The following RALGDS variants were observed in gnomAD, a reference collection of about 807,000 sequenced individuals.
RALGDS encodes the protein ral guanine nucleotide dissociation stimulator.
A neutral mutation model predicts 99.8 loss-of-function variants in RALGDS; 44 were observed. That is an observed-to-expected ratio of 0.44 (90% CI 0.35 to 0.57). The LOEUF is 0.57. Ranked by LOEUF, RALGDS falls within the 20% of genes least tolerant of loss-of-function variation. The probability of loss-of-function intolerance (pLI) is 0.01; values close to 1 mark genes in which losing one functional copy is unlikely to be tolerated. For synonymous variants in RALGDS, 529 were observed against 505.0 expected, an observed-to-expected ratio of 1.05 and a Z score of -0.64; for missense variants, 1,022 against 1,203.1, an observed-to-expected ratio of 0.85 and a Z score of 2.23.
upstream of RALGDS, among the ~76,000 whole-genome samples, chr9:133,135,278 A>C (rs904631876): frequency 4.6e-5 from 7 of 152,210 alleles, no homozygotes; most frequent in African/African-American, 1.7e-4. Context: ...AGAAAGGCAA[A>C]GAGGGGCTGT....
Position 133,112,095 on chromosome 9 carries a change from G to A in RALGDS, c.241C>T (p.Leu81=). The A allele has an allele frequency of 1.3e-6, 2 of 1,586,576 alleles. No individual in the cohort carries two copies. Among genetic ancestry groups the A allele is most frequent in the South Asian group, 1.1e-5 (1 of 87,252 alleles). The part of the protein sequence containing the change: ...LINGVIYSIS[L]RKVQLHHGGN... ...CCGTGGTGCAGCTGCACCTTGCGCA[G>A]GGAGATGGAGTAGATGACTCCGTTG... The change falls in exon 2 of 18, where the codon CTG becomes TTG. Residue 81 remains leucine, a synonymous_variant. Transcript: ENST00000372050.
rs1588515552 is a variant in RALGDS at position 133,104,554 on chromosome 9, G to C, written c.1603-223C>G. On this transcript the variant is annotated intron_variant, in intron 9 of 17. Coordinates refer to ENST00000372050, the MANE Select transcript of RALGDS (RefSeq NM_006266.4). ...CTGCATGGTGCGGTGGCTCACGCCT[G>C]TAATCCCAGCATTTTGGAAGGCCAA... 5.3e-6 allele frequency: 3 copies of C among 563,816 alleles called. 1 individual carries two copies. The Admixed American group carries it at 9.0e-5, about 17-fold the overall frequency. The allele number at this position is 563,816 out of a possible 1,614,324, so 34.9% of individuals were successfully genotyped here.
At chr9:133,143,863 G>A (rs1234658198) in intron 1 of RALGDS, among the ~76,000 whole-genome samples, 1 of 149,010 alleles carries the variant, frequency 6.7e-6, no homozygotes, top group East Asian at 1.9e-4. Context: ...CTGGGCCAGC[G>A]GCCCGCTGTG....
intron 17 of RALGDS, chr9:133,099,107 G>T: frequency 3.0e-6 from 1 of 328,434 alleles, no homozygotes; most frequent in Non-Finnish European, 5.9e-6. Flanking sequence ...CCAGAATCCT[G>T]CCCTACTCAG....
chr9:133,108,842 G>C lies in RALGDS; in HGVS notation c.609C>G (p.Thr203=). 1 of 1,613,008 alleles carries C rather than the reference G, an allele frequency of 6.2e-7. No homozygotes were observed. Among genetic ancestry groups the C allele is most frequent in the Non-Finnish European group, 8.5e-7 (1 of 1,179,878 alleles). Residue 203 remains threonine, a synonymous_variant, in exon 5 of 18, where the codon ACC becomes ACG. Coordinates refer to ENST00000372050, the MANE Select transcript of RALGDS (RefSeq NM_006266.4). The stretch of plus-strand genomic sequence containing the variant: ...AATCCTCCGAGTACTGGTCCAGCCA[G>C]GTGCCCAGGATGGAGGAGATGGCAC... ...LKNAISSILG[T]WLDQYSEDFC... is the part of the protein sequence containing the mutation.
chr9:133,121,263 CTGA>C (rs1831931190), upstream of RALGDS: 2 of 982,512 alleles, frequency 2.0e-6, no homozygotes, highest in African/African-American at 1.8e-5. Context: ...CCCGGCCCTG[CTGA>C]TGTCAGGCTG....
intron 6 of RALGDS, among the ~76,000 whole-genome samples, 164 bp from the exon 7 acceptor site, chr9:133,107,464 A>G (rs1831125326): frequency 6.6e-6 from 1 of 152,224 alleles, no homozygotes; most frequent in Admixed American, 6.5e-5. Flanking sequence ...GCTGGTGGGA[A>G]GAAGAGGAGC....
intron 1 of RALGDS, among the ~76,000 whole-genome samples, chr9:133,145,687 G>A (rs998524682): frequency 1.3e-5 from 2 of 152,116 alleles, no homozygotes; most frequent in African/African-American, 4.8e-5. Context: ...AGCCATCTGG[G>A]TCACCAAGCT....
At chr9:133,111,984 A>G (rs1002303904) in intron 2 of RALGDS, 58 bp downstream of exon 2, 18 of 1,360,204 alleles carry the variant, frequency 1.3e-5, no homozygotes, top group Admixed American at 2.0e-5. Flanking sequence ...CTCAAGTGAA[A>G]AAGTCCTGGG....
At chr9:133,100,688 C>T in intron 16 of RALGDS, 3 of 1,265,132 alleles carry the variant, frequency 2.4e-6, no homozygotes, top group Non-Finnish European at 3.0e-6. Flanking sequence ...AGCACTTGCC[C>T]CTCCAGGATA....
chr9:133,134,833 T>C (rs1057095207), upstream of RALGDS, among the ~76,000 whole-genome samples: 3 of 152,140 alleles, frequency 2.0e-5, no homozygotes, highest in African/African-American at 7.2e-5. Flanking sequence ...CATCATGATA[T>C]GTGACGCAGG....
chr9:133,108,924 G>A, intron 4 of RALGDS, 58 bp from the exon 5 acceptor site: 1 of 1,513,814 alleles, frequency 6.6e-7, no homozygotes, highest in Non-Finnish European at 9.0e-7. Flanking sequence ...AGCCAGGCTG[G>A]GCTCCTGAGC....
intron 3 of RALGDS, 68 bp downstream of exon 3, chr9:133,110,228 C>T: frequency 6.7e-7 from 1 of 1,496,524 alleles, no homozygotes; most frequent in Non-Finnish European, 9.3e-7. Context: ...ATTGCCAAGA[C>T]CCGCAGCCAG....
rs796428016 is a variant in RALGDS at position 133,115,694 on chromosome 9, G to A, written c.184-3542C>T. 1.8e-4 allele frequency among the ~76,000 whole-genome samples: 27 copies of A among 152,320 alleles called. 1 individual carries two copies. The highest frequency in any genetic ancestry group is 4.1e-4 in the South Asian group (2 of 4,830). The stretch of plus-strand genomic sequence containing the variant: ...GTGACCGGCACTGGGACCTGATGGC[G>A]TGGTACCGGACAACACCTGACATCA... On this transcript the variant is annotated intron_variant, in intron 1 of 17. Transcript: ENST00000372050.
upstream of RALGDS, among the ~76,000 whole-genome samples, chr9:133,132,395 G>A (rs989042517): frequency 3.3e-5 from 5 of 152,134 alleles, no homozygotes; most frequent in East Asian, 9.7e-4. Flanking sequence ...CTGGCCATGT[G>A]ACTGTGGGCA....
At chr9:133,112,383 A>C (rs1190423803) in intron 1 of RALGDS, among the ~76,000 whole-genome samples, 1 of 152,060 alleles carries the variant, frequency 6.6e-6, no homozygotes, top group Non-Finnish European at 1.5e-5. Context: ...TGAGTCCACC[A>C]GGCTTCCAAT....
At chr9:133,103,115 T>G (rs1455085335) in intron 12 of RALGDS, 115 bp downstream of exon 12, 29 of 1,450,234 alleles carry the variant, frequency 2.0e-5, no homozygotes, top group Non-Finnish European at 2.8e-5. Flanking sequence ...CTTCTCTCTG[T>G]GTCCAAATGT....
intron 13 of RALGDS, 45 bp downstream of exon 13, chr9:133,102,734 A>G: frequency 6.2e-7 from 1 of 1,604,076 alleles, no homozygotes; most frequent in Non-Finnish European, 8.5e-7. Context: ...CTGGCCCCCT[A>G]GGACAGCCTG....
At position 133,110,475 on chromosome 9, in the gene RALGDS, C is replaced by T. The variant is rs145622114; in HGVS notation, c.309G>A (p.Ser103=). Residue 103 remains serine, a synonymous_variant, in exon 3 of 18, where the codon TCG becomes TCA. Transcript: ENST00000372050. ...TGCAAGTCTCATAAAGGTTCAGGGCCGACTCATTCTCATACTGGGGTGGGA... is the reference window on the plus strand; with the variant it reads ...TGCAAGTCTCATAAAGGTTCAGGGCTGACTCATTCTCATACTGGGGTGGGA... ...GQRWLGYENE[S]ALNLYETCKV... 85 of 1,612,302 alleles carry T rather than the reference C, an allele frequency of 5.3e-5. No homozygotes were observed. Among genetic ancestry groups the T allele is most frequent in the Admixed American group, 1.2e-4 (7 of 59,996 alleles).
Sources: gnomAD v4.1 joint callset for allele counts (sites outside exome capture counted in the v4.1 genomes callset) on GRCh38, gnomAD v4.1.1 for gene constraint, MANE v1.5 for transcripts, NCBI Gene and HGNC (gene_info 2026-07-23, HGNC 2026-07-21) for gene names.